Variants in SMARCB1 observed in about 807,000 individuals in gnomAD.
The protein encoded by SMARCB1 is SWI/SNF-related matrix-associated actin-dependent regulator of chromatin subfamily B member 1.
A neutral mutation model predicts 49.0 loss-of-function variants in SMARCB1; 5 were observed. That is an observed-to-expected ratio of 0.10 (90% confidence interval 0.05 to 0.21). The LOEUF (loss-of-function observed/expected upper bound fraction) is 0.21. Ranked by LOEUF, SMARCB1 falls within the 10% of genes least tolerant of loss-of-function variation. SMARCB1 has a pLI of 1.00. For synonymous variants in SMARCB1, 201 were observed against 200.1 expected, an observed-to-expected ratio of 1.00 and a Z score of -0.04; for missense variants, 226 against 509.2, an observed-to-expected ratio of 0.44 and a Z score of 5.35.
chr22:23,820,180 C>A (rs1464690976), intron 6 of SMARCB1, among the ~76,000 whole-genome samples: 4 of 152,080 alleles, frequency 2.6e-5, no homozygotes, highest in African/African-American at 9.7e-5. Flanking sequence ...GGGTGTAGGT[C>A]TGTAGTTTTC....
At position 23,787,184 on chromosome 22, in the gene SMARCB1, G is replaced by T. The variant is rs747587445; in HGVS notation, c.15G>T (p.Ala5=). Residue 5 remains alanine (A), a synonymous_variant, in exon 1 of 9, where the codon GCG becomes GCT. Transcript: ENST00000644036. ...CTGCCGCCGCAATGATGATGATGGC[G>T]CTGAGCAAGACCTTCGGGCAGAAGC... MMMM[A]LSKTFGQKPV... 3.7e-6 allele frequency: 6 copies of T among 1,607,890 alleles called. No homozygotes were observed. The South Asian group carries it at 6.6e-5, about 18-fold the overall frequency.
At position 23,835,100 on chromosome 22, in the gene SMARCB1, G is replaced by A. The variant is rs2030936639; in HGVS notation, c.*920G>A. 2 of 1,392,498 alleles carry A rather than the reference G, an allele frequency of 1.4e-6. No homozygotes were observed. The highest frequency in any genetic ancestry group is 1.9e-6 in the Non-Finnish European group (2 of 1,076,334). 86.3% of individuals were successfully genotyped at this position (1,392,498 alleles called of 1,614,324 possible). On this transcript the variant is annotated 3_prime_UTR_variant, in exon 9 of 9. Coordinates refer to ENST00000644036, the MANE Select transcript of SMARCB1 (RefSeq NM_003073.5). ...CTCCTGCCTTACAAGCCAGCTGTGA[G>A]GAATATGGGAATAGCCCTCCCGGCC...
chr22:23,835,212 C>T lies in SMARCB1; in HGVS notation c.*1032C>T, dbSNP rs962314519. 10 of 1,252,310 alleles carry T rather than the reference C, an allele frequency of 8.0e-6. No individual in the cohort carries two copies. Among genetic ancestry groups the T allele is most frequent in the Admixed American group, 4.0e-5 (1 of 25,102 alleles). The allele number at this position is 1,252,310 out of a possible 1,614,324, so 77.6% of individuals were successfully genotyped here. A position where few individuals can be genotyped will look rare whatever the true frequency, so the allele number is the denominator to read the frequency against. Reference sequence around the variant, plus strand: ...AGCCCTGCCTCCAAGGAGTTCATGTCCCCTCTGTTCTCATCTGTAATAGGG... The same window carrying T: ...AGCCCTGCCTCCAAGGAGTTCATGTTCCCTCTGTTCTCATCTGTAATAGGG... On this transcript the variant is annotated 3_prime_UTR_variant, in exon 9 of 9. Coordinates refer to ENST00000644036, the MANE Select transcript of SMARCB1 (RefSeq NM_003073.5).
At chr22:23,832,195 G>A (rs1304530637) in intron 7 of SMARCB1, among the ~76,000 whole-genome samples, 1 of 89,134 alleles carries the variant, frequency 1.1e-5, no homozygotes, top group South Asian at 3.6e-4. Context: ...CTGCAAGCAG[G>A]CTGGTCCCAC....
At chr22:23,829,403 G>GC (rs1232302441) in intron 7 of SMARCB1, among the ~76,000 whole-genome samples, 5 of 152,168 alleles carry the variant, frequency 3.3e-5, no homozygotes, top group Admixed American at 2.6e-4. Flanking sequence ...TGTGGATCAG[G>GC]CAGGGTATCT....
intron 4 of SMARCB1, chr22:23,801,485 G>A (rs754632400): frequency 2.0e-5 from 9 of 456,180 alleles, no homozygotes; most frequent in African/African-American, 3.9e-5. Flanking sequence ...GTGGCTTCGA[G>A]CAGAGCACAT....
rs535652982 is a variant in SMARCB1, at chr22:23,833,008, G to A, written c.987-564G>A. On this transcript the variant is annotated intron_variant, in intron 7 of 8. Coordinates refer to ENST00000644036, the MANE Select transcript of SMARCB1 (RefSeq NM_003073.5). ...GATCCTAAGCACAGACCAGCCTCTC[G>A]GGGGTTTTGTTCGGCCAGGAGGTGG... 3.9e-5 allele frequency among the ~76,000 whole-genome samples: 6 copies of A among 152,260 alleles called. No homozygotes were observed. In the South Asian group the frequency reaches 8.3e-4, roughly 21 times the overall value.
Position 23,834,171 on chromosome 22 carries a change from G to A in SMARCB1, c.1149G>A (p.Pro383=), listed in dbSNP as rs780103418. The A allele has an allele frequency of 7.5e-6, 12 of 1,592,300 alleles. No individual in the cohort carries two copies. The highest frequency in any genetic ancestry group is 3.4e-5 in the South Asian group (3 of 87,458). Residue 383 remains proline, a synonymous_variant, in exon 9 of 9, where the codon CCG becomes CCA. Coordinates refer to ENST00000644036, the MANE Select transcript of SMARCB1 (RefSeq NM_003073.5). ...RRMRRLANTA[P]AW is the part of the protein sequence containing the mutation. ...TGAGGCGTCTTGCCAACACGGCCCCGGCCTGGTAACCAGCCCATCAGCACA... is the reference window on the plus strand; with the variant it reads ...TGAGGCGTCTTGCCAACACGGCCCCAGCCTGGTAACCAGCCCATCAGCACA...
chr22:23,827,140 G>A (rs1018147949), intron 7 of SMARCB1, among the ~76,000 whole-genome samples: 21 of 152,304 alleles, frequency 1.4e-4, no homozygotes, highest in East Asian at 5.8e-4. Flanking sequence ...ACCTCCTCCC[G>A]CAGAGGCTGA....
At chr22:23,800,865 C>T (rs1929098867) in intron 3 of SMARCB1, 79 bp from the exon 4 acceptor site, 1 of 1,093,932 alleles carries the variant, frequency 9.1e-7, no homozygotes, top group Admixed American at 1.7e-5. Flanking sequence ...AGTGGGCATC[C>T]CTGGAGCATT....
At position 23,837,599 on chromosome 22, in the gene SMARCB1, G is replaced by A. The variant is rs184928706; in HGVS notation, c.*3419G>A. On this transcript the variant is annotated 3_prime_UTR_variant, in exon 9 of 9. Coordinates refer to ENST00000644036, the MANE Select transcript of SMARCB1 (RefSeq NM_003073.5). ...ATGGGAGAGGGGCCCCAGGGCATAA[G>A]CAGCGTGTCCTGAGGGGAGTGGCCA... 71 of 1,544,786 alleles carry A rather than the reference G, an allele frequency of 4.6e-5. No individual in the cohort carries two copies. The African/African-American group carries it at 7.8e-4, about 17-fold the overall frequency.
intron 2 of SMARCB1, chr22:23,792,160 T>C (rs1296926612): frequency 4.2e-6 from 2 of 475,490 alleles, no homozygotes; most frequent in Non-Finnish European, 7.8e-6. Context: ...TGTGAAGACA[T>C]GTTGGTCTCA....
intron 3 of SMARCB1, among the ~76,000 whole-genome samples, chr22:23,795,789 C>CTTTTT (rs1237100249): frequency 7.5e-6 from 1 of 133,964 alleles, no homozygotes. Context: ...GCTGGAGGTG[C>CTTTTT]TTTTTTTTTT....
chr22:23,789,237 C>A (rs1325546756), intron 1 of SMARCB1, among the ~76,000 whole-genome samples: 3 of 152,194 alleles, frequency 2.0e-5, no homozygotes, highest in African/African-American at 7.2e-5. Context: ...GATGCCAGTG[C>A]TGGGGAGGTA....
intron 7 of SMARCB1, among the ~76,000 whole-genome samples, chr22:23,827,578 T>C (rs6003897): frequency 2.7e-4 from 41 of 152,276 alleles, no homozygotes; most frequent in African/African-American, 8.7e-4. Context: ...TGCTCTCTCT[T>C]ATGCTGAGAA....
chr22:23,806,782 T>A (rs560753760), intron 5 of SMARCB1, among the ~76,000 whole-genome samples: 1 of 151,988 alleles, frequency 6.6e-6, no homozygotes, highest in African/African-American at 2.4e-5. Context: ...ATTAGTCGGA[T>A]GTGGTGGCAC....
intron 6 of SMARCB1, chr22:23,824,981 G>C (rs2030302924): frequency 5.2e-6 from 3 of 580,520 alleles, no homozygotes; most frequent in Non-Finnish European, 9.3e-6. Context: ...GTGCCCCCGG[G>C]GTCACTTCAG....
chr22:23,805,555 G>T (rs1011472242), intron 5 of SMARCB1, among the ~76,000 whole-genome samples: 3 of 152,188 alleles, frequency 2.0e-5, no homozygotes, highest in African/African-American at 7.2e-5. Context: ...GCCCAGGCTG[G>T]TGTGCAATGG....
chr22:23,835,962 T>C lies in SMARCB1; in HGVS notation c.*1782T>C. On this transcript the variant is annotated 3_prime_UTR_variant, in exon 9 of 9. Transcript: ENST00000644036. ...TCAACAGAGAACAGTGTTGTTACCATGAAAATGACAACCTGTCTTTGGAGG... is the reference window on the plus strand; with the variant it reads ...TCAACAGAGAACAGTGTTGTTACCACGAAAATGACAACCTGTCTTTGGAGG... 2.0e-6 allele frequency: 2 copies of C among 985,446 alleles called. No homozygotes were observed. Among genetic ancestry groups the C allele is most frequent in the Non-Finnish European group, 2.4e-6 (2 of 829,940 alleles). 61.0% of individuals were successfully genotyped at this position (985,446 alleles called of 1,614,324 possible).
Sources: gnomAD v4.1 joint callset for allele counts (sites outside exome capture counted in the v4.1 genomes callset) on GRCh38, gnomAD v4.1.1 for gene constraint, MANE v1.5 for transcripts, NCBI Gene and HGNC (gene_info 2026-07-23, HGNC 2026-07-21) for gene names.